The following EEF1E1 variants were observed in gnomAD, a reference collection of about 807,000 sequenced individuals.
The protein encoded by EEF1E1 is eukaryotic translation elongation factor 1 epsilon-1.
EEF1E1 carries 19 observed loss-of-function variants against 19.9 expected under a neutral mutation model. The ratio of observed to expected loss-of-function variants is 0.95; its 90% CI spans 0.66 to 1.40. The LOEUF is 1.40. Ranked by LOEUF, EEF1E1 falls within the 40% of genes most tolerant of loss-of-function variation. The pLI is 0.00. For synonymous variants in EEF1E1, 81 were observed against 80.0 expected (o/e 1.01, Z -0.07); for missense variants, 198 against 202.2 (o/e 0.98, Z 0.13).
At chr6:8,100,811 C>T (rs1051108268) in intron 1 of EEF1E1, among the ~76,000 whole-genome samples, 2 of 151,194 alleles carry the variant, frequency 1.3e-5, no homozygotes, top group Non-Finnish European at 2.9e-5. Flanking sequence ...CCACCAGCCC[C>T]AGAGAGTTGC....
At chr6:8,079,088 T>A (rs542156408), downstream of EEF1E1, among the ~76,000 whole-genome samples, 111 of 152,332 alleles carry the variant, frequency 7.3e-4, no homozygotes, top group Admixed American at 1.4e-3. Context: ...GTGCCTCTGT[T>A]CTTCACACAG....
At chr6:8,085,937 T>C (rs1757841973) in intron 3 of EEF1E1, among the ~76,000 whole-genome samples, 1 of 152,228 alleles carries the variant, frequency 6.6e-6, no homozygotes. Context: ...ATAAGATTAA[T>C]ATGCCCCTGA....
chr6:8,095,850 T>C (rs1398842484), intron 2 of EEF1E1, among the ~76,000 whole-genome samples: 1 of 152,180 alleles, frequency 6.6e-6, no homozygotes, highest in South Asian at 2.1e-4. Flanking sequence ...CAAAATCACA[T>C]TGCAATCCAC....
chr6:8,082,873 T>C (rs1014733449), intron 3 of EEF1E1, among the ~76,000 whole-genome samples: 5 of 152,250 alleles, frequency 3.3e-5, no homozygotes, highest in Non-Finnish European at 7.3e-5. Context: ...AATGAACAGA[T>C]TTCTCCCCTC....
chr6:8,082,561 G>A (rs1472324776), intron 3 of EEF1E1, among the ~76,000 whole-genome samples: 1 of 152,194 alleles, frequency 6.6e-6, no homozygotes, highest in Non-Finnish European at 1.5e-5. Context: ...TTACAGGCAT[G>A]AGCCACTGCA....
At chr6:8,077,754 C>G (rs1757633267), downstream of EEF1E1, among the ~76,000 whole-genome samples, 1 of 152,206 alleles carries the variant, frequency 6.6e-6, no homozygotes, top group Non-Finnish European at 1.5e-5. Context: ...GGCTGTTTCG[C>G]TTTCCTATCA....
At chr6:8,077,105 A>G (rs368052746), downstream of EEF1E1, among the ~76,000 whole-genome samples, 99 of 151,804 alleles carry the variant, frequency 6.5e-4, no homozygotes, top group East Asian at 1.6e-3. Flanking sequence ...CACCACACCC[A>G]GCTAATTTTC....
At chr6:8,078,597 T>C (rs927984328), downstream of EEF1E1, 14 of 1,115,692 alleles carry the variant, frequency 1.3e-5, 1 homozygote, top group Middle Eastern at 1.3e-3. Context: ...CTTCCATGTG[T>C]TGAAGATGAA....
At chr6:8,076,590 T>C (rs1479951993), downstream of EEF1E1, among the ~76,000 whole-genome samples, 1 of 152,176 alleles carries the variant, frequency 6.6e-6, no homozygotes, top group East Asian at 1.9e-4. Context: ...CCCAAAGTGC[T>C]GGGATTACAG....
intron 1 of EEF1E1, among the ~76,000 whole-genome samples, chr6:8,099,973 ATGAT>A (rs1758304668): frequency 6.6e-6 from 1 of 151,834 alleles, no homozygotes; most frequent in South Asian, 2.1e-4. Context: ...TTTTTAAACT[ATGAT>A]TGGTAATGTT....
chr6:8,101,283 T>C (rs1460564613), intron 1 of EEF1E1, among the ~76,000 whole-genome samples: 3 of 116,422 alleles, frequency 2.6e-5, no homozygotes, highest in Non-Finnish European at 5.1e-5. Context: ...TATATATATA[T>C]GGCACTCTTC....
intron 3 of EEF1E1, among the ~76,000 whole-genome samples, chr6:8,085,686 G>A (rs751057375): frequency 5.9e-5 from 9 of 152,038 alleles, no homozygotes; most frequent in African/African-American, 1.9e-4. Flanking sequence ...TCATGTGGTC[G>A]CCCTATTTAC....
downstream of EEF1E1, chr6:8,078,646 G>A (rs1757654805): frequency 7.9e-7 from 1 of 1,260,108 alleles, no homozygotes. Context: ...CCACACACCT[G>A]GCCTGTGAAG....
rs779203934 is a variant in EEF1E1 at position 8,090,204 on chromosome 6, A to G, written c.366T>C (p.Tyr122=). Residue 122 remains tyrosine (Y), a synonymous_variant, in exon 3 of 4, where the codon TAT becomes TAC. Coordinates refer to ENST00000379715, the MANE Select transcript of EEF1E1 (RefSeq NM_004280.5). ...TACTCACTATAAAGCGATGAAGTCC[A>G]TAGTACAATAGTATATCTGCTAATG... ...NFTLADILLY[Y]GLHRFIVDLT... 2.0e-6 allele frequency: 3 copies of G among 1,525,806 alleles called. No individual in the cohort carries two copies. Among genetic ancestry groups the G allele is most frequent in the African/African-American group, 1.4e-5 (1 of 69,906 alleles). The allele number at this position is 1,525,806 out of a possible 1,614,324, so 94.5% of individuals were successfully genotyped here. A position where few individuals can be genotyped will look rare whatever the true frequency, so the allele number is the denominator to read the frequency against.
intron 2 of EEF1E1, among the ~76,000 whole-genome samples, chr6:8,093,804 AT>A (rs111919893): frequency 2.8e-4 from 42 of 148,884 alleles, no homozygotes; most frequent in Admixed American, 4.7e-4. Context: ...AAAGCAAATA[AT>A]TTTTTTTTTT....
At chr6:8,082,571 A>T (rs2113639353) in intron 3 of EEF1E1, among the ~76,000 whole-genome samples, 1 of 152,262 alleles carries the variant, frequency 6.6e-6, no homozygotes, top group South Asian at 2.1e-4. Context: ...GAGCCACTGC[A>T]CCCAACCCCC....
intron 1 of EEF1E1, among the ~76,000 whole-genome samples, chr6:8,099,789 C>CAG (rs1480435847): frequency 1.1e-5 from 1 of 89,518 alleles, no homozygotes; most frequent in African/African-American, 4.2e-5. Flanking sequence ...CACACACACA[C>CAG]ACAAAAAAAA....
chr6:8,078,139 C>A (rs1464391268), downstream of EEF1E1, among the ~76,000 whole-genome samples: 1 of 152,198 alleles, frequency 6.6e-6, no homozygotes, highest in Non-Finnish European at 1.5e-5. Flanking sequence ...GTGCAAGAGG[C>A]CTAGCTTTCA....
intron 2 of EEF1E1, among the ~76,000 whole-genome samples, chr6:8,092,868 G>GTTGTTA (rs1554099258): frequency 9.2e-6 from 1 of 108,202 alleles, no homozygotes; most frequent in Non-Finnish European, 1.9e-5. Context: ...GATAAAGACT[G>GTTGTTA]CTTTTTTTTT....
Sources: allele counts gnomAD v4.1 joint callset (sites outside exome capture counted in the v4.1 genomes callset), GRCh38; gene constraint gnomAD v4.1.1; transcripts MANE v1.5; gene names NCBI Gene and HGNC (gene_info 2026-07-23, HGNC 2026-07-21).